The following GBE1 variants were observed in gnomAD, a reference collection of about 807,000 sequenced individuals.
The protein encoded by GBE1 is 1,4-alpha-glucan-branching enzyme.
In GBE1, 70 loss-of-function variants were observed where a neutral mutation model predicts 88.8. The ratio of observed to expected loss-of-function variants is 0.79; its 90% confidence interval spans 0.65 to 0.96. GBE1 has a LOEUF of 0.96. Ranked by LOEUF, GBE1 falls within the 40% of genes least tolerant of loss-of-function variation. The probability of loss-of-function intolerance (pLI) is 0.00; values close to 1 mark genes in which losing one functional copy is unlikely to be tolerated. For missense variants in GBE1, 872 were observed against 871.0 expected (o/e 1.00, Z -0.01); for synonymous variants, 284 against 300.1 (o/e 0.95, Z 0.56).
At chr3:81,607,266 G>A (rs1019294391) in intron 7 of GBE1, among the ~76,000 whole-genome samples, 4 of 152,030 alleles carry the variant, frequency 2.6e-5, no homozygotes, top group Non-Finnish European at 4.4e-5. Flanking sequence ...AATAAATATG[G>A]CAGGCCAGGA....
intron 14 of GBE1, among the ~76,000 whole-genome samples, chr3:81,502,141 C>T (rs931651687): frequency 1.3e-5 from 2 of 151,898 alleles, no homozygotes; most frequent in Non-Finnish European, 2.9e-5. Context: ...GCTTTTCCCA[C>T]AATAAAGTAC....
At chr3:81,655,927 A>G (rs1704933223) in intron 3 of GBE1, among the ~76,000 whole-genome samples, 2 of 152,234 alleles carry the variant, frequency 1.3e-5, no homozygotes, top group Admixed American at 1.3e-4. Context: ...TACAATTTAA[A>G]GTAAAGCTCA....
chr3:81,613,516 T>C (rs182598375), intron 7 of GBE1, among the ~76,000 whole-genome samples: 3 of 152,084 alleles, frequency 2.0e-5, no homozygotes, highest in Non-Finnish European at 4.4e-5. Flanking sequence ...TATACCAACA[T>C]GTATCTGTCT....
At chr3:81,722,784 C>T (rs1355596285) in intron 1 of GBE1, among the ~76,000 whole-genome samples, 3 of 151,304 alleles carry the variant, frequency 2.0e-5, no homozygotes, top group African/African-American at 7.3e-5. Flanking sequence ...GCTTCGATGG[C>T]TCTGTCTATA....
intron 1 of GBE1, among the ~76,000 whole-genome samples, chr3:81,747,975 AC>A (rs376306868): frequency 6.6e-6 from 1 of 152,242 alleles, no homozygotes; most frequent in African/African-American, 2.4e-5. Context: ...CTTCACACGG[AC>A]GCGCATGAAA....
rs567834843 is a variant in GBE1 at position 81,757,035 on chromosome 3, T to A, written c.143+4340A>T. ...TTTTTCTAATTCTTCATCTTTCTTA[T>A]CTTTTATTCAGTGATTTTTCCAGAT... On this transcript the variant is annotated intron_variant, in intron 1 of 15. Coordinates refer to ENST00000429644, the MANE Select transcript of GBE1 (RefSeq NM_000158.4). Among the ~76,000 whole-genome samples, 10 of 152,362 alleles carry A rather than the reference T, an allele frequency of 6.6e-5. No individual in the cohort carries two copies. The East Asian group carries it at 1.9e-3, about 29-fold the overall frequency.
intron 12 of GBE1, among the ~76,000 whole-genome samples, chr3:81,550,767 G>A (rs1307627519): frequency 2.0e-5 from 3 of 152,142 alleles, no homozygotes; most frequent in Non-Finnish European, 4.4e-5. Flanking sequence ...GGCAACGTCA[G>A]GAAGTTACTC....
At chr3:81,647,585 G>A (rs571695393) in intron 5 of GBE1, among the ~76,000 whole-genome samples, 78 of 152,026 alleles carry the variant, frequency 5.1e-4, no homozygotes, top group African/African-American at 1.5e-3. Context: ...TAAAATGTTC[G>A]AATATGATTT....
At chr3:81,534,497 C>T (rs1207237340) in intron 14 of GBE1, among the ~76,000 whole-genome samples, 1 of 151,894 alleles carries the variant, frequency 6.6e-6, no homozygotes, top group Non-Finnish European at 1.5e-5. Flanking sequence ...TAAATGAATA[C>T]ATAGAGAACA....
In GBE1 at chr3:81,761,420, T is replaced by C. The variant is rs1447849138; in HGVS notation, c.98A>G (p.Glu33Gly). The change falls in exon 1 of 16, where the codon GAG becomes GGG. Residue 33 changes from glutamate to glycine, a missense_variant. Glu to Gly is a moderately conservative substitution (Grantham distance 98). Coordinates refer to ENST00000429644, the MANE Select transcript of GBE1 (RefSeq NM_000158.4). ...ADVPELARLL[E>G]IDPYLKPYAV... ...GTAGGGCTTCAAGTACGGGTCGATC[T>C]CCAGGAGTCTGGCCAGTTCGGGCAC... is the stretch of plus-strand genomic sequence containing the variant. The C allele has an allele frequency of 6.2e-7, 1 of 1,613,498 alleles. No individual in the cohort carries two copies. Among genetic ancestry groups the C allele is most frequent in the Admixed American group, 1.7e-5 (1 of 60,008 alleles).
Position 81,499,225 on chromosome 3 carries a change from A to T in GBE1, c.1937T>A (p.Phe646Tyr). ...YRVGTALPGK[F>Y]KIVLDSDAAE... ...TGCATCTGAATCTAGCACAATTTTG[A>T]ATGTACAGCTCTTAAGGAATTCACA... Residue 646 changes from phenylalanine to tyrosine, a missense_variant and splice_region_variant, in exon 15 of 16, where the codon TTC becomes TAC. Transcript: ENST00000429644. 1 of 1,571,722 alleles carries T rather than the reference A, an allele frequency of 6.4e-7. No individual in the cohort carries two copies. The highest frequency in any genetic ancestry group is 8.7e-7 in the Non-Finnish European group (1 of 1,143,900).
intron 2 of GBE1, among the ~76,000 whole-genome samples, chr3:81,704,383 C>A (rs1042606284): frequency 1.3e-5 from 2 of 151,992 alleles, no homozygotes; most frequent in African/African-American, 4.8e-5. Flanking sequence ...ATGTACAGTT[C>A]TATAAATGTT....
At chr3:81,673,432 C>A (rs1347222644) in intron 2 of GBE1, among the ~76,000 whole-genome samples, 1 of 151,354 alleles carries the variant, frequency 6.6e-6, no homozygotes, top group African/African-American at 2.4e-5. Context: ...TATAATAGAC[C>A]AATATAAATG....
chr3:81,749,479 A>C (rs892897740), intron 1 of GBE1, among the ~76,000 whole-genome samples: 2 of 152,228 alleles, frequency 1.3e-5, no homozygotes, highest in African/African-American at 2.4e-5. Flanking sequence ...GGGCAATGTG[A>C]GTATAAAGGA....
intron 11 of GBE1, 135 bp from the exon 12 acceptor site, chr3:81,578,231 G>A (rs1345937912): frequency 9.4e-6 from 6 of 637,686 alleles, no homozygotes; most frequent in Non-Finnish European, 1.2e-5. Context: ...TTAATTTCAG[G>A]TATTTTCCAC....
chr3:81,649,523 C>A (rs1176131555), intron 4 of GBE1, among the ~76,000 whole-genome samples: 6 of 147,240 alleles, frequency 4.1e-5, no homozygotes, highest in African/African-American at 7.5e-5. Flanking sequence ...AAAAAAAAAA[C>A]CAGTATCCCT....
chr3:81,532,151 CCTCTTTGCTTG>C (rs1703018485), intron 14 of GBE1, among the ~76,000 whole-genome samples: 1 of 151,808 alleles, frequency 6.6e-6, no homozygotes, highest in Non-Finnish European at 1.5e-5. Flanking sequence ...CTCTTCTGTG[CCTCTTTGCTTG>C]AAATAATGTT....
chr3:81,605,814 G>A (rs1704094815), intron 7 of GBE1, among the ~76,000 whole-genome samples: 1 of 152,152 alleles, frequency 6.6e-6, no homozygotes, highest in Non-Finnish European at 1.5e-5. Flanking sequence ...GTAAAGGAAT[G>A]GGCATGGCTA....
At chr3:81,614,403 T>C (rs1704221543) in intron 7 of GBE1, among the ~76,000 whole-genome samples, 1 of 152,206 alleles carries the variant, frequency 6.6e-6, no homozygotes, top group South Asian at 2.1e-4. Flanking sequence ...GCAGCAGATG[T>C]CCCTGATTTG....
Sources: gnomAD v4.1 joint callset for allele counts (sites outside exome capture counted in the v4.1 genomes callset) on GRCh38, gnomAD v4.1.1 for gene constraint, MANE v1.5 for transcripts, NCBI Gene and HGNC (gene_info 2026-07-23, HGNC 2026-07-21) for gene names.